The following NOTCH1 variants were observed in gnomAD, a reference collection of about 807,000 sequenced individuals.
NOTCH1 encodes neurogenic locus notch homolog protein 1.
Under a neutral mutation model 254.8 loss-of-function variants are expected in NOTCH1, and 37 were observed. That is an observed-to-expected ratio of 0.15 (90% confidence interval 0.11 to 0.19). NOTCH1 has a LOEUF of 0.19. NOTCH1 is among the 10% of genes least tolerant of loss of function. NOTCH1 has a pLI of 1.00. For synonymous variants in NOTCH1, 1,731 were observed against 1,618.1 expected (o/e 1.07, Z -1.68); for missense variants, 2,972 against 3,708.6 (o/e 0.80, Z 5.16).
Position 136,517,292 on chromosome 9 carries a change from A to C in NOTCH1, c.1535T>G (p.Phe512Cys). The C allele has an allele frequency of 1.2e-6, 2 of 1,607,092 alleles. No homozygotes were observed. The highest frequency in any genetic ancestry group is 1.7e-6 in the Non-Finnish European group (2 of 1,177,176). ...CTCACCCGTGGGGCACTCGCACTGG[A>C]ACTCATTGATCTTGTCCAGGCAGCG... ...NGRCLDKINE[F>C]QCECPTGFTG... The change falls in exon 9 of 34, where the codon TTC becomes TGC. Residue 512 changes from phenylalanine to cysteine, a missense_variant. Physicochemically the swap from Phe to Cys is radical, Grantham distance 205 (BLOSUM62 -2). Coordinates refer to ENST00000651671, the MANE Select transcript of NOTCH1 (RefSeq NM_017617.5).
At chr9:136,503,376 C>G in intron 26 of NOTCH1, 46 bp from the exon 27 acceptor site, 1 of 1,611,168 alleles carries the variant, frequency 6.2e-7, no homozygotes, top group African/African-American at 1.3e-5. Context: ...GCTTCCTCCT[C>G]CCCCGCCCAC....
At chr9:136,510,080 A>C (rs1564194324) in intron 17 of NOTCH1, 119 bp from the exon 18 acceptor site, 1 of 939,774 alleles carries the variant, frequency 1.1e-6, no homozygotes. Flanking sequence ...GGCTGCGGCA[A>C]GCAGCCCTGT....
chr9:136,507,044 C>G, intron 22 of NOTCH1, 71 bp from the exon 23 acceptor site: 1 of 1,566,120 alleles, frequency 6.4e-7, no homozygotes, highest in Non-Finnish European at 8.6e-7. Context: ...GTGTCCGTCC[C>G]GGAAGACGAG....
At chr9:136,502,539 C>T (rs776604954) in intron 27 of NOTCH1, 51 bp from the exon 28 acceptor site, 87 of 1,302,170 alleles carry the variant, frequency 6.7e-5, no homozygotes, top group Non-Finnish European at 8.7e-5. Flanking sequence ...GCAGCGGCTA[C>T]GCAGCAGGCT....
intron 31 of NOTCH1, among the ~76,000 whole-genome samples, chr9:136,500,249 A>G (rs746555521): frequency 6.6e-6 from 1 of 152,208 alleles, no homozygotes; most frequent in Non-Finnish European, 1.5e-5. Context: ...GACCTTGAGC[A>G]AGGCCCACAA....
rs189406163 is a variant in NOTCH1 at position 136,509,466 on chromosome 9, C to T, written c.2969+267G>A. Among the ~76,000 whole-genome samples the T allele has an allele frequency of 1.1e-4, 16 of 152,320 alleles. No individual in the cohort carries two copies. The East Asian group carries it at 2.9e-3, about 28-fold the overall frequency. On this transcript the variant is annotated intron_variant, in intron 18 of 33. Coordinates refer to ENST00000651671, the MANE Select transcript of NOTCH1 (RefSeq NM_017617.5). ...ACGGCAAAAAGGAAACAAGAACGGACAGAGTTCTCGTTGTCTAATAGAAGG... is the reference window on the plus strand; with the variant it reads ...ACGGCAAAAAGGAAACAAGAACGGATAGAGTTCTCGTTGTCTAATAGAAGG...
In NOTCH1 at chr9:136,502,352, C is replaced by A; in HGVS notation, c.5304G>T (p.Trp1768Cys). ...CAGACACTTTGAAGCCCTCAGGGAACCAGAGCTGGCCATGCTGCCGCCGGC... is the reference window on the plus strand; with the variant it reads ...CAGACACTTTGAAGCCCTCAGGGAAACAGAGCTGGCCATGCTGCCGCCGGC... ...RKRRRQHGQLWFPEGFKVSEA... is the reference protein window; with the variant it reads ...RKRRRQHGQLCFPEGFKVSEA... The change falls in exon 28 of 34, where the codon TGG (tryptophan) becomes TGT (cysteine). Residue 1768 changes from tryptophan to cysteine, a missense_variant. Around this residue, in one of 8 missense-constraint regions of NOTCH1, gnomAD observed 421 missense variants for 604.4 expected, o/e 0.70. Coordinates refer to ENST00000651671, the MANE Select transcript of NOTCH1 (RefSeq NM_017617.5). 6.2e-7 allele frequency: 1 copy of A among 1,612,482 alleles called. No individual in the cohort carries two copies. Among genetic ancestry groups the A allele is most frequent in the Non-Finnish European group, 8.5e-7 (1 of 1,179,810 alleles).
At chr9:136,534,577 C>T (rs1053763605) in intron 2 of NOTCH1, among the ~76,000 whole-genome samples, 5 of 152,262 alleles carry the variant, frequency 3.3e-5, no homozygotes, top group East Asian at 1.9e-4. Flanking sequence ...GACTGAACAG[C>T]CCCGTGCAAG....
intron 33 of NOTCH1, 122 bp downstream of exon 33, chr9:136,498,777 C>A (rs1842953379): frequency 4.3e-6 from 5 of 1,173,254 alleles, no homozygotes; most frequent in Non-Finnish European, 6.3e-6. Flanking sequence ...CACATGCGGG[C>A]CCAGCGACCC....
chr9:136,516,409 C>T (rs1021253998), intron 9 of NOTCH1, among the ~76,000 whole-genome samples: 5 of 152,214 alleles, frequency 3.3e-5, no homozygotes, highest in South Asian at 2.1e-4. Flanking sequence ...TAATCTATGT[C>T]TTGGGAGCCT....
intron 28 of NOTCH1, 24 bp from the exon 29 acceptor site, chr9:136,502,112 T>C (rs1169525728): frequency 1.2e-6 from 2 of 1,611,924 alleles, no homozygotes; most frequent in South Asian, 2.2e-5. Flanking sequence ...GGTCGAGAAG[T>C]GAGGCTGAGC....
intron 9 of NOTCH1, among the ~76,000 whole-genome samples, chr9:136,516,529 G>C (rs1052368656): frequency 2.0e-5 from 3 of 152,196 alleles, no homozygotes; most frequent in Admixed American, 6.5e-5. Flanking sequence ...AGTCCGCCCC[G>C]GGCAGCCATC....
intron 2 of NOTCH1, among the ~76,000 whole-genome samples, chr9:136,534,636 G>A (rs977092814): frequency 2.6e-5 from 4 of 152,090 alleles, no homozygotes; most frequent in Admixed American, 2.0e-4. Context: ...TGTGGCGGCA[G>A]GCGCTGTGGG....
At position 136,495,042 on chromosome 9, in the gene NOTCH1, G is replaced by A. The variant is rs569605645; in HGVS notation, c.*1029C>T. On this transcript the variant is annotated 3_prime_UTR_variant, in exon 34 of 34. Transcript: ENST00000651671. ...TCTCCTACAAAACACGGGAGCCCACGGGGGGTCGGGTCCCGCGAGCTGGGG... is the reference window on the plus strand; with the variant it reads ...TCTCCTACAAAACACGGGAGCCCACAGGGGGTCGGGTCCCGCGAGCTGGGG... The A allele has an allele frequency of 2.3e-5, 9 of 396,508 alleles. No homozygotes were observed. In the South Asian group the frequency reaches 8.9e-4, roughly 39 times the overall value. The allele number at this position is 396,508 out of a possible 1,614,324, so 24.6% of individuals were successfully genotyped here. A position where few individuals can be genotyped will look rare whatever the true frequency, so the allele number is the denominator to read the frequency against.
intron 2 of NOTCH1, among the ~76,000 whole-genome samples, chr9:136,538,807 ACAG>A (rs1282956212): frequency 6.6e-6 from 1 of 152,250 alleles, no homozygotes; most frequent in East Asian, 1.9e-4. Flanking sequence ...AGGCTGGGTA[ACAG>A]CGGCGTCCTG....
Position 136,506,036 on chromosome 9 carries a change from A to G in NOTCH1, c.4015-155T>C, listed in dbSNP as rs1843079954. The stretch of plus-strand genomic sequence containing the variant: ...CCCAGCAGCAAAACCCTTTACACAC[A>G]TTCTACCAACAGAGAAAGATCGGGG... On this transcript the variant is annotated intron_variant, in intron 24 of 33. Coordinates refer to ENST00000651671, the MANE Select transcript of NOTCH1 (RefSeq NM_017617.5). This position sits in a 1 kb window ranked among gnomAD's most constrained non-coding sequence, Gnocchi z 4.5. Among the ~76,000 whole-genome samples, 2 of 152,098 alleles carry G rather than the reference A, an allele frequency of 1.3e-5. No individual in the cohort carries two copies. Among genetic ancestry groups the G allele is most frequent in the African/African-American group, 4.8e-5 (2 of 41,452 alleles).
chr9:136,504,173 CTGAG>C (rs1222967826), intron 26 of NOTCH1, among the ~76,000 whole-genome samples: 1 of 152,226 alleles, frequency 6.6e-6, no homozygotes, highest in Non-Finnish European at 1.5e-5. Flanking sequence ...CCCTGGAGAG[CTGAG>C]TGTTTTGTTT....
At chr9:136,507,900 G>T in intron 21 of NOTCH1, 55 bp downstream of exon 21, 1 of 1,574,302 alleles carries the variant, frequency 6.4e-7, no homozygotes. Context: ...GCCAGGGCCT[G>T]GTGTGTGGCA....
rs1232899720 is a variant in NOTCH1 at position 136,500,941 on chromosome 9, C to T, written c.5639-94G>A. On this transcript the variant is annotated intron_variant, in intron 30 of 33. Transcript: ENST00000651671. The stretch of plus-strand genomic sequence containing the variant: ...CAGCAGCCCCAAGCTCAAGGGGCCA[C>T]GGTGTGGATGCACCACCCAGCACTT... The T allele has an allele frequency of 4.8e-5, 67 of 1,386,692 alleles. No homozygotes were observed. The East Asian group carries it at 1.4e-3, about 30-fold the overall frequency. The allele number at this position is 1,386,692 out of a possible 1,614,324, so 85.9% of individuals were successfully genotyped here.
Sources: gnomAD v4.1 joint callset for allele counts (sites outside exome capture counted in the v4.1 genomes callset) on GRCh38, gnomAD v4.1.1 for gene constraint, gnomAD v4.1.1 regional missense constraint, Gnocchi (gnomAD v3.1) non-coding constraint, MANE v1.5 for transcripts, NCBI Gene and HGNC (gene_info 2026-07-23, HGNC 2026-07-21) for gene names.